The following TTBK2 variants were observed in gnomAD, a reference collection of about 807,000 sequenced individuals.
The protein encoded by TTBK2 is tau-tubulin kinase 2.
In TTBK2, 28 loss-of-function variants were observed where a neutral mutation model predicts 110.8. The observed-to-expected ratio is 0.25, with a 90% CI of 0.19 to 0.35. TTBK2 has a LOEUF of 0.35. TTBK2 is among the 10% of genes least tolerant of loss of function. The probability of loss-of-function intolerance (pLI) is 1.00; values close to 1 mark genes in which losing one functional copy is unlikely to be tolerated. For missense variants in TTBK2, 1,369 were observed against 1,500.3 expected (o/e 0.91, Z 1.45); for synonymous variants, 532 against 527.3 (o/e 1.01, Z -0.12).
intron 10 of TTBK2, among the ~76,000 whole-genome samples, chr15:42,793,704 C>T (rs967038471): frequency 6.6e-6 from 1 of 151,938 alleles, no homozygotes; most frequent in African/African-American, 2.4e-5. Context: ...CAAAATTAGC[C>T]GGGCGTGGTG....
intron 10 of TTBK2, among the ~76,000 whole-genome samples, chr15:42,793,546 C>T (rs564729218): frequency 2.4e-4 from 37 of 151,970 alleles, no homozygotes; most frequent in African/African-American, 8.7e-4. Flanking sequence ...AGCCAGACTC[C>T]ATCTCTTAAA....
chr15:42,749,080 C>A (rs983285118), intron 14 of TTBK2, among the ~76,000 whole-genome samples: 1 of 152,130 alleles, frequency 6.6e-6, no homozygotes, highest in Non-Finnish European at 1.5e-5. Context: ...CAACTGGAGA[C>A]AGACATAATC....
intron 3 of TTBK2, among the ~76,000 whole-genome samples, chr15:42,852,314 C>A (rs1283060716): frequency 6.6e-6 from 1 of 152,132 alleles, no homozygotes; most frequent in Non-Finnish European, 1.5e-5. Flanking sequence ...AGTGATCCAC[C>A]CACCTCAACC....
intron 13 of TTBK2, among the ~76,000 whole-genome samples, chr15:42,763,490 A>G (rs1889202920): frequency 6.6e-6 from 1 of 151,698 alleles, no homozygotes; most frequent in African/African-American, 2.4e-5. Context: ...CTGGGATTAC[A>G]GGCATGAGCC....
intron 1 of TTBK2, among the ~76,000 whole-genome samples, chr15:42,913,595 G>A (rs575413064): frequency 2.6e-5 from 4 of 151,428 alleles, no homozygotes; most frequent in African/African-American, 9.7e-5. Flanking sequence ...CCGAGATCAC[G>A]CCACTGCACT....
chr15:42,782,028 A>T (rs1269246984), intron 11 of TTBK2, among the ~76,000 whole-genome samples: 2 of 152,152 alleles, frequency 1.3e-5, no homozygotes, highest in African/African-American at 4.8e-5. Flanking sequence ...TGACCAATAA[A>T]TTCCTAAAGT....
At chr15:42,795,154 C>T (rs1890879605) in intron 9 of TTBK2, among the ~76,000 whole-genome samples, 1 of 151,794 alleles carries the variant, frequency 6.6e-6, no homozygotes, top group African/African-American at 2.4e-5. Context: ...CAAAACAAAA[C>T]AAAACAAGGA....
intron 11 of TTBK2, among the ~76,000 whole-genome samples, chr15:42,782,912 C>T (rs1890240467): frequency 6.6e-6 from 1 of 152,014 alleles, no homozygotes; most frequent in Non-Finnish European, 1.5e-5. Context: ...ACAGTTTGTT[C>T]CTGGTGCCAT....
intron 2 of TTBK2, 61 bp from the exon 3 acceptor site, chr15:42,872,819 A>C (rs1894667144): frequency 6.3e-7 from 1 of 1,585,378 alleles, no homozygotes. Context: ...CTTGAAAGCA[A>C]TTGATCTCTT....
chr15:42,816,951 AATAAT>A (rs1237159856), intron 7 of TTBK2, 76 bp downstream of exon 7: 2 of 674,738 alleles, frequency 3.0e-6, no homozygotes, highest in Non-Finnish European at 4.0e-6. Flanking sequence ...TATATAAAAT[AATAAT>A]AAAATAAAAA....
chr15:42,862,440 T>TA (rs1191724441), intron 3 of TTBK2, among the ~76,000 whole-genome samples: 4 of 151,750 alleles, frequency 2.6e-5, no homozygotes, highest in Non-Finnish European at 5.9e-5. Flanking sequence ...CACATGCAAA[T>TA]AAAAAAATGT....
chr15:42,827,273 G>A (rs1001656328), intron 6 of TTBK2, among the ~76,000 whole-genome samples: 6 of 151,954 alleles, frequency 3.9e-5, no homozygotes, highest in African/African-American at 9.7e-5. Flanking sequence ...TGATCCTGTC[G>A]GACACTAAAC....
At chr15:42,816,085 A>AATAAATATATATAT (rs1397691949) in intron 7 of TTBK2, among the ~76,000 whole-genome samples, 4 of 67,448 alleles carry the variant, frequency 5.9e-5, no homozygotes, top group African/African-American at 3.0e-4. Flanking sequence ...TAAATAAATA[A>AATAAATATATATAT]ATATATATAT....
chr15:42,840,277 G>T, intron 4 of TTBK2, 83 bp downstream of exon 4: 1 of 1,181,368 alleles, frequency 8.5e-7, no homozygotes, highest in Non-Finnish European at 1.3e-6. Context: ...TAAGATTGTT[G>T]TTACTTTTTA....
intron 11 of TTBK2, among the ~76,000 whole-genome samples, chr15:42,778,290 C>CAA (rs55838282): frequency 0.046 from 5,788 of 127,132 alleles, 287 homozygotes; most frequent in African/African-American, 0.14. Context: ...AGCAAGTAAG[C>CAA]AAAAAAAAAA....
chr15:42,908,697 G>T (rs2030564060), intron 1 of TTBK2, among the ~76,000 whole-genome samples: 1 of 152,064 alleles, frequency 6.6e-6, no homozygotes, highest in African/African-American at 2.4e-5. Context: ...TTTGAAAATG[G>T]TATTGTACTG....
intron 4 of TTBK2, among the ~76,000 whole-genome samples, chr15:42,831,084 G>A (rs1892741224): frequency 6.6e-6 from 1 of 151,714 alleles, no homozygotes; most frequent in Non-Finnish European, 1.5e-5. Context: ...TACATACAAA[G>A]GGCACTAATT....
In TTBK2 at chr15:42,817,165, C is replaced by A. The variant is rs528655428; in HGVS notation, c.538-68G>T. The A allele has an allele frequency of 7.5e-5, 102 of 1,360,290 alleles. No homozygotes were observed. In the Admixed American group the frequency reaches 1.6e-3, roughly 21 times the overall value. The allele number at this position is 1,360,290 out of a possible 1,614,324, so 84.3% of individuals were successfully genotyped here. A position where few individuals can be genotyped will look rare whatever the true frequency, so the allele number is the denominator to read the frequency against. On this transcript the variant is annotated intron_variant, in intron 6 of 14. Coordinates refer to ENST00000267890, the MANE Select transcript of TTBK2 (RefSeq NM_173500.4). ...AGCAATACATTCAGCACACTTGAAC[C>A]ATGAAGTAAATGGAAGAAACACGTC...
In TTBK2 at chr15:42,745,669, G is replaced by A. The variant is rs974533757; in HGVS notation, c.*126C>T. 20 of 1,145,766 alleles carry A rather than the reference G, an allele frequency of 1.7e-5. No homozygotes were observed. Among genetic ancestry groups the A allele is most frequent in the Non-Finnish European group, 2.5e-5 (19 of 764,572 alleles). 71.0% of individuals were successfully genotyped at this position (1,145,766 alleles called of 1,614,324 possible). A position where few individuals can be genotyped will look rare whatever the true frequency, so the allele number is the denominator to read the frequency against. ...GTATTATGTCTTCTTATAAATAATT[G>A]ATCATGTTACTTTCTTTTGCAAGAG... On this transcript the variant is annotated 3_prime_UTR_variant, in exon 15 of 15. Transcript: ENST00000267890.
Sources: gnomAD v4.1 joint callset for allele counts (sites outside exome capture counted in the v4.1 genomes callset) on GRCh38, gnomAD v4.1.1 for gene constraint, MANE v1.5 for transcripts, NCBI Gene and HGNC (gene_info 2026-07-23, HGNC 2026-07-21) for gene names.